GPC5: variants seen among roughly 807,000 people sequenced by gnomAD.
GPC5 encodes the protein glypican 5.
In GPC5, 47 loss-of-function variants were observed where a neutral mutation model predicts 53.9. That is an observed-to-expected ratio of 0.87 (90% CI 0.69 to 1.11). GPC5 has a LOEUF of 1.11. GPC5 is among the 50% of genes most tolerant of loss of function. The pLI is 0.00. For missense variants in GPC5, 748 were observed against 713.1 expected (o/e 1.05, Z -0.56); for synonymous variants, 286 against 263.3 (o/e 1.09, Z -0.84).
At position 91,478,822 on chromosome 13, in the gene GPC5, T is replaced by TATATAC. The variant is rs1323023652; in HGVS notation, c.325+29901_325+29902insTATACA. Among the ~76,000 whole-genome samples the TATATAC allele has an allele frequency of 2.5e-3, 228 of 92,146 alleles. 12 individuals carry two copies. Among genetic ancestry groups the TATATAC allele is most frequent in the African/African-American group, 9.6e-3 (186 of 19,340 alleles). The allele number at this position is 92,146 out of a possible 152,430, so 60.5% of individuals were successfully genotyped here. A position where few individuals can be genotyped will look rare whatever the true frequency, so the allele number is the denominator to read the frequency against. On this transcript the variant is annotated intron_variant, in intron 2 of 7. Transcript: ENST00000377067. ...ATATATATATATATATATATATATATACACACACACACATATATATACACA... is the reference window on the plus strand; with the variant it reads ...ATATATATATATATATATATATATATATATACACACACACACACATATATATACACA...
At chr13:91,922,543 C>A (rs2039726043) in intron 6 of GPC5, among the ~76,000 whole-genome samples, 1 of 152,146 alleles carries the variant, frequency 6.6e-6, no homozygotes, top group South Asian at 2.1e-4. Flanking sequence ...ACTTGAAAAA[C>A]ACCAATTATA....
At chr13:92,628,264 C>CTGTTTTTTTTTTTTTTT (rs1885114961) in intron 7 of GPC5, among the ~76,000 whole-genome samples, 4 of 45,340 alleles carry the variant, frequency 8.8e-5, no homozygotes, top group Non-Finnish European at 1.3e-4. Flanking sequence ...CTTTTTCTTT[C>CTGTTTTTTTTTTTTTTT]TTTTTTTTTT....
chr13:91,686,453 A>G (rs1049168407), intron 2 of GPC5, among the ~76,000 whole-genome samples: 2 of 152,030 alleles, frequency 1.3e-5, no homozygotes, highest in African/African-American at 2.4e-5. Flanking sequence ...TGAAAATGTC[A>G]TTAAATTAAT....
chr13:92,724,993 A>G (rs997413996), intron 7 of GPC5, among the ~76,000 whole-genome samples: 1 of 151,560 alleles, frequency 6.6e-6, no homozygotes, highest in African/African-American at 2.4e-5. Context: ...AACAAATGAA[A>G]TATTAAAAAG....
chr13:92,320,194 T>C (rs2043206806), intron 7 of GPC5, among the ~76,000 whole-genome samples: 1 of 152,130 alleles, frequency 6.6e-6, no homozygotes, highest in South Asian at 2.1e-4. Context: ...TTCCCAAGTA[T>C]GAAAGAAATG....
rs537674537 is a variant in GPC5 at position 92,681,635 on chromosome 13, G to A, written c.1562-184647G>A. 6.8e-4 allele frequency among the ~76,000 whole-genome samples: 103 copies of A among 152,234 alleles called. 1 individual carries two copies. The highest frequency in any genetic ancestry group is 2.3e-3 in the African/African-American group (96 of 41,546). ...TAAACTCTTCAGTTTTAGGCTGACC[G>A]TGACCATTTTTGGTCAGACCCTGTC... On this transcript the variant is annotated intron_variant, in intron 7 of 7. Transcript: ENST00000377067.
intron 7 of GPC5, among the ~76,000 whole-genome samples, chr13:92,541,837 A>G (rs1369019933): frequency 1.3e-5 from 2 of 151,808 alleles, no homozygotes; most frequent in African/African-American, 2.4e-5. Context: ...TAATTTTTCC[A>G]CAGGGATATT....
At chr13:91,735,236 A>G (rs960318883) in intron 4 of GPC5, among the ~76,000 whole-genome samples, 1 of 151,186 alleles carries the variant, frequency 6.6e-6, no homozygotes, top group African/African-American at 2.5e-5. Flanking sequence ...CTTATTATAC[A>G]TAATACATAG....
At chr13:92,648,947 GGATATAAGTAT>G (rs1286632743) in intron 7 of GPC5, among the ~76,000 whole-genome samples, 1 of 152,078 alleles carries the variant, frequency 6.6e-6, no homozygotes, top group Non-Finnish European at 1.5e-5. Flanking sequence ...TCAGGCAAGA[GGATATAAGTAT>G]GTATAATAAC....
chr13:92,229,056 G>T (rs1042671779), intron 7 of GPC5, among the ~76,000 whole-genome samples: 2 of 152,008 alleles, frequency 1.3e-5, no homozygotes, highest in African/African-American at 4.8e-5. Context: ...AGACTATATG[G>T]CTCAGCAGTG....
intron 7 of GPC5, among the ~76,000 whole-genome samples, chr13:92,656,299 T>C (rs1886134076): frequency 1.3e-5 from 2 of 152,190 alleles, no homozygotes; most frequent in South Asian, 4.2e-4. Context: ...GAATTAGCAA[T>C]GAAAAGACAC....
chr13:92,385,371 T>TATATAC (rs1566567226), intron 7 of GPC5, among the ~76,000 whole-genome samples: 3 of 79,540 alleles, frequency 3.8e-5, no homozygotes, highest in Non-Finnish European at 7.5e-5. Flanking sequence ...TACATATATA[T>TATATAC]ACATATATAC....
At chr13:91,425,681 T>C (rs1284826956) in intron 1 of GPC5, among the ~76,000 whole-genome samples, 1 of 152,224 alleles carries the variant, frequency 6.6e-6, no homozygotes, top group Non-Finnish European at 1.5e-5. Context: ...GGTATGTCTT[T>C]ATAGCAGTGT....
At position 92,120,193 on chromosome 13, in the gene GPC5, TA is replaced by T. The variant is rs527401465; in HGVS notation, c.1402-24634del. ...GATACCCTTTAAAAGCAGCAGTAAG[TA>T]AACTCTTGATAAAATTTACTCTATG... is the stretch of plus-strand genomic sequence containing the variant. On this transcript the variant is annotated intron_variant, in intron 6 of 7. Coordinates refer to ENST00000377067, the MANE Select transcript of GPC5 (RefSeq NM_004466.6). Among the ~76,000 whole-genome samples, 443 of 152,332 alleles carry T rather than the reference TA, an allele frequency of 2.9e-3. 1 individual carries two copies. Among genetic ancestry groups the T allele is most frequent in the African/African-American group, 0.01 (426 of 41,578 alleles).
At chr13:92,136,525 A>G (rs1300017429) in intron 6 of GPC5, among the ~76,000 whole-genome samples, 1 of 152,202 alleles carries the variant, frequency 6.6e-6, no homozygotes, top group East Asian at 1.9e-4. Flanking sequence ...GTACAAGTGC[A>G]TATTTTACCA....
intron 7 of GPC5, among the ~76,000 whole-genome samples, chr13:92,301,698 CA>C (rs2043076557): frequency 1.3e-5 from 2 of 151,402 alleles, no homozygotes; most frequent in Non-Finnish European, 2.9e-5. Context: ...ACCACCTGGA[CA>C]ACATGTTCAA....
At chr13:91,505,600 C>T (rs1355606162) in intron 2 of GPC5, among the ~76,000 whole-genome samples, 2 of 152,220 alleles carry the variant, frequency 1.3e-5, no homozygotes, top group Non-Finnish European at 2.9e-5. Context: ...TGACAACCAA[C>T]AAGTCAACTC....
chr13:92,346,798 C>A (rs1404803748), intron 7 of GPC5, among the ~76,000 whole-genome samples: 2 of 151,960 alleles, frequency 1.3e-5, no homozygotes, highest in Non-Finnish European at 2.9e-5. Context: ...ATAAAAAAAT[C>A]AAGTAAAATT....
chr13:91,989,642 A>G (rs2040439360), intron 6 of GPC5, among the ~76,000 whole-genome samples: 1 of 152,220 alleles, frequency 6.6e-6, no homozygotes, highest in Admixed American at 6.5e-5. Context: ...TATAAAAGGC[A>G]TGTCATTTAT....
Sources: gnomAD v4.1 joint callset for allele counts (sites outside exome capture counted in the v4.1 genomes callset) on GRCh38, gnomAD v4.1.1 for gene constraint, MANE v1.5 for transcripts, NCBI Gene and HGNC (gene_info 2026-07-23, HGNC 2026-07-21) for gene names.